The following ANKRD44 variants were observed in gnomAD, a reference collection of about 807,000 sequenced individuals.
The protein encoded by ANKRD44 is ankyrin repeat domain 44.
A neutral mutation model predicts 116.0 loss-of-function variants in ANKRD44; 35 were observed. That is an observed-to-expected ratio of 0.30 (90% CI 0.23 to 0.40). The LOEUF (loss-of-function observed/expected upper bound fraction) is 0.40. Among genes scored for constraint, ANKRD44 ranks in the 10% least tolerant of loss-of-function variants. The pLI is 1.00. For missense variants in ANKRD44, 1,014 were observed against 1,242.6 expected (o/e 0.82, Z 2.77); for synonymous variants, 435 against 461.8 (o/e 0.94, Z 0.74).
At chr2:197,108,591 C>A (rs921797880) in intron 9 of ANKRD44, among the ~76,000 whole-genome samples, 2 of 152,150 alleles carry the variant, frequency 1.3e-5, no homozygotes, top group African/African-American at 4.8e-5. Flanking sequence ...GTTAGCCCAG[C>A]ATTTTGGGAG....
Position 197,090,009 on chromosome 2 carries a change from G to T in ANKRD44, c.1124C>A (p.Pro375His). 1 of 1,614,064 alleles carries T rather than the reference G, an allele frequency of 6.2e-7. No individual in the cohort carries two copies. Residue 375 changes from proline to histidine, a missense_variant, in exon 11 of 28, where the codon CCT becomes CAT. Pro to His is a moderately conservative substitution (Grantham distance 77, BLOSUM62 -2). Coordinates refer to ENST00000282272, the MANE Select transcript of ANKRD44 (RefSeq NM_001195144.2). ...AGCATTTAGGGCAGCTAAATGTAAA[G>T]GGAACATGCTATGGATTCCACACCT... ...TAKCGIHSMFPLHLAALNAHS... is the reference protein window; with the variant it reads ...TAKCGIHSMFHLHLAALNAHS...
At position 196,988,075 on chromosome 2, in the gene ANKRD44, G is replaced by A; in HGVS notation, c.*1516C>T. 1.0e-6 allele frequency: 1 copy of A among 985,366 alleles called. No homozygotes were observed. The highest frequency in any genetic ancestry group is 1.2e-6 in the Non-Finnish European group (1 of 829,926). 61.0% of individuals were successfully genotyped at this position (985,366 alleles called of 1,614,324 possible). On this transcript the variant is annotated 3_prime_UTR_variant, in exon 28 of 28. Coordinates refer to ENST00000282272, the MANE Select transcript of ANKRD44 (RefSeq NM_001195144.2). ...GTCCTCCTTCTATGAGTAAGAGAGT[G>A]GGAAAAGTCAAAACGCAGCTCCATG...
At chr2:197,066,274 T>C (rs2077431851) in intron 16 of ANKRD44, among the ~76,000 whole-genome samples, 2 of 152,210 alleles carry the variant, frequency 1.3e-5, no homozygotes, top group Admixed American at 1.3e-4. Context: ...AAATTAGGTA[T>C]TGATGGGACA....
At chr2:197,001,971 GA>G in intron 21 of ANKRD44, 131 bp from the exon 22 acceptor site, 1 of 637,386 alleles carries the variant, frequency 1.6e-6, no homozygotes, top group Admixed American at 2.9e-5. Context: ...CATTCTCCAT[GA>G]AATAATATTA....
chr2:197,092,785 G>C (rs749304752), intron 10 of ANKRD44, among the ~76,000 whole-genome samples: 1 of 152,176 alleles, frequency 6.6e-6, no homozygotes, highest in Non-Finnish European at 1.5e-5. Context: ...GGAGTTGGGG[G>C]ATAGGAGAGA....
chr2:197,246,350 CT>C (rs67655796), intron 1 of ANKRD44, among the ~76,000 whole-genome samples: 2 of 65,866 alleles, frequency 3.0e-5, no homozygotes, highest in East Asian at 6.3e-4. Flanking sequence ...CTACATCTGG[CT>C]TTTTTTTTTT....
intron 1 of ANKRD44, among the ~76,000 whole-genome samples, chr2:197,220,371 G>A (rs1416217636): frequency 6.6e-6 from 1 of 152,152 alleles, no homozygotes; most frequent in Non-Finnish European, 1.5e-5. Flanking sequence ...ATAGTTGTTA[G>A]CCTAGAAAAT....
At chr2:196,990,869 GA>G in intron 27 of ANKRD44, 1 of 1,232,628 alleles carries the variant, frequency 8.1e-7, no homozygotes, top group Non-Finnish European at 1.0e-6. Flanking sequence ...TAGCCAAAAT[GA>G]GGGCCAGGCA....
chr2:197,159,446 C>A (rs192167428), intron 2 of ANKRD44, among the ~76,000 whole-genome samples: 1 of 152,132 alleles, frequency 6.6e-6, no homozygotes, highest in Non-Finnish European at 1.5e-5. Context: ...AGTTTACAAA[C>A]AAGAAAATAA....
At chr2:197,127,645 T>C (rs1012333682) in intron 4 of ANKRD44, among the ~76,000 whole-genome samples, 7 of 152,168 alleles carry the variant, frequency 4.6e-5, no homozygotes, top group South Asian at 2.1e-4. Context: ...GAAAAGATTA[T>C]TTTTCTTCTG....
In ANKRD44 at chr2:197,013,669, G is replaced by A. The variant is rs145893149; in HGVS notation, c.1766C>T (p.Ser589Leu). 90 of 1,613,802 alleles carry A rather than the reference G, an allele frequency of 5.6e-5. 1 individual carries two copies. Among genetic ancestry groups the A allele is most frequent in the East Asian group, 4.7e-4 (21 of 44,882 alleles). Residue 589 changes from serine (S) to leucine (L), a missense_variant, in exon 18 of 28, where the codon TCG becomes TTG. By Grantham distance (145) the Ser-to-Leu change is moderately radical. Coordinates refer to ENST00000282272, the MANE Select transcript of ANKRD44 (RefSeq NM_001195144.2). Reference protein sequence around the residue: ...HHQALEVLLQSLVDLDIRDEK... With the variant: ...HHQALEVLLQLLVDLDIRDEK... ...ATCCCTGATGTCCAGGTCCACCAAC[G>A]ACTGCAGAAGGACTTCCAAGGCTTG...
In ANKRD44 at chr2:197,305,956, C is replaced by T. The variant is rs2084055411; in HGVS notation, c.27+4622G>A. On this transcript the variant is annotated intron_variant, in intron 1 of 27. Transcript: ENST00000282272. ...AGCTTTCTGCTTTTCCTATAATGAC[C>T]GCAGTTCGTTTTATATATATATATA... Among the ~76,000 whole-genome samples, 2 of 119,490 alleles carry T rather than the reference C, an allele frequency of 1.7e-5. 1 individual carries two copies. Among genetic ancestry groups the T allele is most frequent in the Non-Finnish European group, 3.3e-5 (2 of 61,506 alleles). 78.4% of individuals were successfully genotyped at this position (119,490 alleles called of 152,430 possible).
chr2:197,005,983 G>T, intron 20 of ANKRD44, 73 bp from the exon 21 acceptor site: 1 of 1,433,728 alleles, frequency 7.0e-7, no homozygotes, highest in Non-Finnish European at 9.8e-7. Flanking sequence ...GCTAAGTGAG[G>T]CTGGGCTTAG....
At chr2:197,306,243 T>C (rs1300981629) in intron 1 of ANKRD44, among the ~76,000 whole-genome samples, 1 of 152,140 alleles carries the variant, frequency 6.6e-6, no homozygotes, top group Admixed American at 6.5e-5. Context: ...ATGAAAAGTA[T>C]AGCCTTGTGG....
Position 197,310,706 on chromosome 2 carries a change from T to A in ANKRD44, c.-102A>T. 1 of 1,204,508 alleles carries A rather than the reference T, an allele frequency of 8.3e-7. No homozygotes were observed. The highest frequency in any genetic ancestry group is 1.1e-6 in the Non-Finnish European group (1 of 938,464). The allele number at this position is 1,204,508 out of a possible 1,614,324, so 74.6% of individuals were successfully genotyped here. A position where few individuals can be genotyped will look rare whatever the true frequency, so the allele number is the denominator to read the frequency against. ...GGGATTGCCAGGAGAAGGGAAAAAA[T>A]CTGGCTCCCGAATTTGACAGCCCTC... On this transcript the variant is annotated 5_prime_UTR_variant, in exon 1 of 28. Transcript: ENST00000282272.
intron 16 of ANKRD44, among the ~76,000 whole-genome samples, chr2:197,061,077 A>G (rs936577303): frequency 6.6e-6 from 1 of 152,164 alleles, no homozygotes; most frequent in Non-Finnish European, 1.5e-5. Flanking sequence ...TGGTAGTCCT[A>G]TTTTTAATTT....
chr2:197,142,797 T>G (rs2079398320), intron 3 of ANKRD44, among the ~76,000 whole-genome samples: 1 of 152,068 alleles, frequency 6.6e-6, no homozygotes. Context: ...AGAAGCACAT[T>G]TTGAAAATTT....
At chr2:197,202,825 G>A (rs564575859) in intron 1 of ANKRD44, among the ~76,000 whole-genome samples, 8 of 151,664 alleles carry the variant, frequency 5.3e-5, no homozygotes, top group African/African-American at 7.3e-5. Flanking sequence ...TGATCCACCC[G>A]CCTTAGCCTC....
chr2:197,252,991 T>A (rs1026645818), intron 1 of ANKRD44, among the ~76,000 whole-genome samples: 7 of 152,212 alleles, frequency 4.6e-5, no homozygotes, highest in Non-Finnish European at 1.0e-4. Flanking sequence ...TCACGTGGCA[T>A]CCACTATCAA....
Sources: gnomAD v4.1 joint callset for allele counts (sites outside exome capture counted in the v4.1 genomes callset) on GRCh38, gnomAD v4.1.1 for gene constraint, MANE v1.5 for transcripts, NCBI Gene and HGNC (gene_info 2026-07-23, HGNC 2026-07-21) for gene names.